Variants in TADA2A observed in about 807,000 individuals in gnomAD.
The protein encoded by TADA2A is transcriptional adaptor 2A, also known as transcriptional adapter 2-alpha.
Under a neutral mutation model 67.4 loss-of-function variants are expected in TADA2A, and 38 were observed. The observed-to-expected ratio is 0.56, with a 90% CI of 0.44 to 0.74. The LOEUF (loss-of-function observed/expected upper bound fraction) is 0.74, where lower values mean the gene tolerates loss of function less well. Among genes scored for constraint, TADA2A ranks in the 30% least tolerant of loss-of-function variants. TADA2A has a pLI of 0.00. For missense variants in TADA2A, 454 were observed against 547.0 expected (o/e 0.83, Z 1.70); for synonymous variants, 192 against 181.6 (o/e 1.06, Z -0.46).
chr17:37,471,063 C>T (rs1333998848), intron 13 of TADA2A, 31 bp from the exon 14 acceptor site: 2 of 1,613,598 alleles, frequency 1.2e-6, no homozygotes, highest in Non-Finnish European at 1.7e-6. Flanking sequence ...TTTGATATGA[C>T]CTAAGTTTAA....
At chr17:37,474,772 C>A in intron 15 of TADA2A, 143 bp downstream of exon 15, 2 of 920,352 alleles carry the variant, frequency 2.2e-6, no homozygotes, top group Non-Finnish European at 3.2e-6. Context: ...CCTAGAAGTC[C>A]AAGAGCTAAA....
At chr17:37,469,707 C>T (rs989703464) in intron 12 of TADA2A, among the ~76,000 whole-genome samples, 7 of 152,096 alleles carry the variant, frequency 4.6e-5, no homozygotes, top group Admixed American at 2.0e-4. Context: ...CAGGACCCGC[C>T]GGTATCTGGC....
chr17:37,407,274 G>GA (rs2051601175), intron 1 of TADA2A: 1 of 152,526 alleles, frequency 6.6e-6, no homozygotes, highest in South Asian at 2.1e-4. Context: ...TGGCCACTGT[G>GA]CCAGATGCCC....
chr17:37,419,960 AG>A lies in TADA2A; in HGVS notation c.26-3548del, dbSNP rs149409125. ...AATCCAGGAGGTGGAGCTTGCAGTG[AG>A]CTGAGATCGCGCCACTGCACTTCAG... On this transcript the variant is annotated intron_variant, in intron 2 of 15. Transcript: ENST00000615182. Among the ~76,000 whole-genome samples, 932 of 145,322 alleles carry A rather than the reference AG, an allele frequency of 6.4e-3. 58 individuals are homozygous for A. Among genetic ancestry groups the A allele is most frequent in the African/African-American group, 0.022 (899 of 40,226 alleles).
intron 15 of TADA2A, among the ~76,000 whole-genome samples, chr17:37,476,001 A>G (rs1004870167): frequency 1.3e-5 from 2 of 152,084 alleles, no homozygotes; most frequent in African/African-American, 4.8e-5. Context: ...ACCATATATC[A>G]TTAGTTCAGT....
intron 2 of TADA2A, among the ~76,000 whole-genome samples, chr17:37,415,448 T>C (rs2052011930): frequency 6.6e-6 from 1 of 152,182 alleles, no homozygotes; most frequent in Non-Finnish European, 1.5e-5. Context: ...ATATTATATA[T>C]AACCTTGGAT....
In TADA2A at chr17:37,477,139, C is replaced by A. The variant is rs991863100; in HGVS notation, c.*157C>A. ...AACCTTAAGTTGTATTGTCTACTTT[C>A]TTCTCCATCCTGCTTTAAAACACTC... On this transcript the variant is annotated 3_prime_UTR_variant, in exon 16 of 16. Transcript: ENST00000615182. The A allele has an allele frequency of 1.4e-6, 1 of 699,170 alleles. No individual in the cohort carries two copies. The highest frequency in any genetic ancestry group is 2.3e-6 in the Non-Finnish European group (1 of 437,674). The allele number at this position is 699,170 out of a possible 1,614,324, so 43.3% of individuals were successfully genotyped here. A position where few individuals can be genotyped will look rare whatever the true frequency, so the allele number is the denominator to read the frequency against.
chr17:37,455,421 G>A (rs1289880424), intron 8 of TADA2A, among the ~76,000 whole-genome samples: 6 of 150,770 alleles, frequency 4.0e-5, no homozygotes, highest in African/African-American at 1.5e-4. Flanking sequence ...TCACTCTGTC[G>A]CCCAGGCTGG....
chr17:37,412,208 C>T (rs2051898203), intron 2 of TADA2A, among the ~76,000 whole-genome samples: 3 of 126,128 alleles, frequency 2.4e-5, no homozygotes, highest in South Asian at 5.8e-4. Flanking sequence ...GAGACTCTGT[C>T]TCAAAAAAAG....
At chr17:37,433,669 A>T (rs2052636736) in intron 4 of TADA2A, among the ~76,000 whole-genome samples, 2 of 151,644 alleles carry the variant, frequency 1.3e-5, no homozygotes, top group Admixed American at 1.3e-4. Context: ...AAGAGAAAAA[A>T]GGGCTGAGCT....
chr17:37,435,206 G>A (rs1334526727), intron 4 of TADA2A, among the ~76,000 whole-genome samples: 1 of 152,134 alleles, frequency 6.6e-6, no homozygotes, highest in East Asian at 1.9e-4. Flanking sequence ...TATTTTTCTT[G>A]TAAGATACAA....
rs79244060 is a variant in TADA2A at position 37,448,453 on chromosome 17, T to C, written c.604+3685T>C. On this transcript the variant is annotated intron_variant, in intron 8 of 15. Coordinates refer to ENST00000615182, the MANE Select transcript of TADA2A (RefSeq NM_001166105.3). ...CCCTAATTGGTACTTACTCATATTT[T>C]ATTGAAATAAGCAGAAATGTTTGGT... Among the ~76,000 whole-genome samples the C allele has an allele frequency of 2.5e-4, 38 of 152,312 alleles. No individual in the cohort carries two copies. The East Asian group carries it at 7.3e-3, about 29-fold the overall frequency.
intron 5 of TADA2A, among the ~76,000 whole-genome samples, chr17:37,438,850 A>G (rs2052810835): frequency 6.6e-6 from 1 of 152,210 alleles, no homozygotes; most frequent in Non-Finnish European, 1.5e-5. Flanking sequence ...AACAAAGAAC[A>G]TAAAAAAGAC....
At chr17:37,471,071 T>C (rs2148045678) in intron 13 of TADA2A, 23 bp from the exon 14 acceptor site, 1 of 1,614,112 alleles carries the variant, frequency 6.2e-7, no homozygotes, top group East Asian at 2.2e-5. Flanking sequence ...GACCTAAGTT[T>C]AAATTCCTCT....
At chr17:37,475,085 T>C (rs1376949950) in intron 15 of TADA2A, among the ~76,000 whole-genome samples, 1 of 152,216 alleles carries the variant, frequency 6.6e-6, no homozygotes, top group East Asian at 1.9e-4. Context: ...CTCCAGAGCA[T>C]GTTTATAAAC....
chr17:37,471,407 A>G (rs1306246271), intron 14 of TADA2A, among the ~76,000 whole-genome samples: 4 of 152,348 alleles, frequency 2.6e-5, no homozygotes, highest in South Asian at 4.1e-4. Context: ...TATTTTACCA[A>G]TGTTCATGAG....
intron 8 of TADA2A, among the ~76,000 whole-genome samples, chr17:37,456,077 A>G (rs1273308120): frequency 2.0e-5 from 3 of 152,218 alleles, no homozygotes; most frequent in Admixed American, 2.0e-4. Context: ...GGTGGCGCAC[A>G]CCTGTAATCC....
At chr17:37,457,475 C>A (rs1043877191) in intron 8 of TADA2A, among the ~76,000 whole-genome samples, 1 of 148,478 alleles carries the variant, frequency 6.7e-6, no homozygotes, top group Non-Finnish European at 1.5e-5. Context: ...GCCACTGTGC[C>A]CAACCAACAT....
At chr17:37,455,507 G>A (rs923128111) in intron 8 of TADA2A, among the ~76,000 whole-genome samples, 6 of 151,934 alleles carry the variant, frequency 3.9e-5, no homozygotes, top group African/African-American at 1.5e-4. Flanking sequence ...TCAGCCTCCT[G>A]AGTAGCTGGG....
Sources: gnomAD v4.1 joint callset for allele counts (sites outside exome capture counted in the v4.1 genomes callset) on GRCh38, gnomAD v4.1.1 for gene constraint, MANE v1.5 for transcripts, NCBI Gene and HGNC (gene_info 2026-07-23, HGNC 2026-07-21) for gene names.